GTF2IRD2: variants seen among roughly 807,000 people sequenced by gnomAD.
GTF2IRD2 encodes the protein GTF2I repeat domain containing 2.
Under a neutral mutation model 49.2 loss-of-function variants are expected in GTF2IRD2, and 8 were observed. The observed-to-expected ratio is 0.16, with a 90% CI of 0.10 to 0.29. The LOEUF (loss-of-function observed/expected upper bound fraction) is 0.29. Among genes scored for constraint, GTF2IRD2 ranks in the 10% least tolerant of loss-of-function variants. The pLI, the probability that GTF2IRD2 is intolerant of heterozygous loss-of-function variation, is 1.00. For synonymous variants in GTF2IRD2, 47 were observed against 289.7 expected (o/e 0.16, Z 8.51); for missense variants, 130 against 725.7 (o/e 0.18, Z 9.43).
chr7:74,825,170 A>G (rs1292646436), intron 3 of GTF2IRD2, 118 bp from the exon 4 acceptor site: 1 of 1,182,532 alleles, frequency 8.5e-7, no homozygotes, highest in East Asian at 5.8e-5. Context: ...ATAAAACAAG[A>G]TCTTTTAAAG....
rs115501971 is a variant in GTF2IRD2 at position 74,830,053 on chromosome 7, G to C, written c.238+2752C>G. On this transcript the variant is annotated intron_variant, in intron 3 of 15. Transcript: ENST00000451013. ...TAAAGACAAATAGATCTACGGAATA[G>C]GGTAGGGAGTCCAGAAATAAACCCT... Among the ~76,000 whole-genome samples the C allele has an allele frequency of 2.4e-3, 369 of 150,672 alleles. 2 individuals carry two copies. The highest frequency in any genetic ancestry group is 8.0e-3 in the African/African-American group (329 of 41,200).
intron 4 of GTF2IRD2, among the ~76,000 whole-genome samples, chr7:74,824,263 G>T (rs1450950539): frequency 1.3e-4 from 11 of 85,648 alleles, no homozygotes; most frequent in East Asian, 4.1e-4. Flanking sequence ...GAGGTCAGGA[G>T]TTCGAGACCA....
intron 1 of GTF2IRD2, among the ~76,000 whole-genome samples, chr7:74,842,597 G>C (rs587599982): frequency 6.9e-6 from 1 of 145,010 alleles, no homozygotes; most frequent in African/African-American, 2.7e-5. Context: ...CTGACGTGCA[G>C]TGCCATGATC....
chr7:74,809,723 A>T (rs1347975512), intron 10 of GTF2IRD2, among the ~76,000 whole-genome samples: 1 of 115,884 alleles, frequency 8.6e-6, no homozygotes, highest in South Asian at 3.2e-4. Flanking sequence ...TAAAAGTAAG[A>T]TCACATTGCC....
rs1269170335 is a variant in GTF2IRD2, at chr7:74,834,665, G to A, written c.99+1615C>T. Among the ~76,000 whole-genome samples, 5 of 108,584 alleles carry A rather than the reference G, an allele frequency of 4.6e-5. No homozygotes were observed. The East Asian group carries it at 9.0e-4, about 19-fold the overall frequency. The allele number at this position is 108,584 out of a possible 152,430, so 71.2% of individuals were successfully genotyped here. The stretch of plus-strand genomic sequence containing the variant: ...TGGGATTACGGGCGTGAGCCACCCT[G>A]CCTACCCCTAATGCTTTCTTCTAAA... On this transcript the variant is annotated intron_variant, in intron 2 of 15. Transcript: ENST00000451013.
chr7:74,836,620 C>T (rs1358442491), intron 1 of GTF2IRD2, among the ~76,000 whole-genome samples: 1 of 151,788 alleles, frequency 6.6e-6, no homozygotes, highest in Non-Finnish European at 1.5e-5. Context: ...GGCTGGAGTG[C>T]AGTGGCGCAA....
At chr7:74,827,757 C>CT in intron 3 of GTF2IRD2, among the ~76,000 whole-genome samples, 1 of 75,994 alleles carries the variant, frequency 1.3e-5, no homozygotes, top group South Asian at 4.5e-4. Context: ...AGGAAACTGC[C>CT]TGTGGGTATG....
At chr7:74,834,459 T>C (rs2131779819) in intron 2 of GTF2IRD2, among the ~76,000 whole-genome samples, 1 of 73,500 alleles carries the variant, frequency 1.4e-5, no homozygotes, top group East Asian at 3.3e-4. Context: ...CTCGAACTCC[T>C]GACCTTGTGA....
rs1194433552 is a variant in GTF2IRD2 at position 74,834,653 on chromosome 7, G to A, written c.99+1627C>T. ...CTCATGAAGTGGTGGGATTACGGGC[G>A]TGAGCCACCCTGCCTACCCCTAATG... is the stretch of plus-strand genomic sequence containing the variant. On this transcript the variant is annotated intron_variant, in intron 2 of 15. Coordinates refer to ENST00000451013, the MANE Select transcript of GTF2IRD2 (RefSeq NM_173537.5). Among the ~76,000 whole-genome samples, 43 of 104,652 alleles carry A rather than the reference G, an allele frequency of 4.1e-4. 1 individual carries two copies. The highest frequency in any genetic ancestry group is 6.8e-4 in the Non-Finnish European group (40 of 58,442). The allele number at this position is 104,652 out of a possible 152,430, so 68.7% of individuals were successfully genotyped here.
At chr7:74,826,887 A>T (rs1215501686) in intron 3 of GTF2IRD2, among the ~76,000 whole-genome samples, 3 of 143,800 alleles carry the variant, frequency 2.1e-5, no homozygotes, top group Non-Finnish European at 4.6e-5. Context: ...AACTTTTATA[A>T]TTTTAGTAGA....
chr7:74,844,359 T>TG lies in GTF2IRD2; in HGVS notation c.-6+7007_-6+7008insC, dbSNP rs1584408559. Among the ~76,000 whole-genome samples the TG allele has an allele frequency of 2.3e-4, 3 of 12,788 alleles. 1 individual carries two copies. The South Asian group carries it at 5.9e-3, about 25-fold the overall frequency. The allele number at this position is 12,788 out of a possible 152,430, so 8.4% of individuals were successfully genotyped here. On this transcript the variant is annotated intron_variant, in intron 1 of 15. Coordinates refer to ENST00000451013, the MANE Select transcript of GTF2IRD2 (RefSeq NM_173537.5). ...ACTAGACTAGATGAGGATTATGTTT[T>TG]TTTTATTTATTTATTTATTTATTTA...
At chr7:74,826,102 A>G (rs1251821574) in intron 3 of GTF2IRD2, among the ~76,000 whole-genome samples, 2 of 151,402 alleles carry the variant, frequency 1.3e-5, no homozygotes, top group African/African-American at 4.8e-5. Context: ...GTTTTCTTGC[A>G]TGGATATACG....
In GTF2IRD2 at chr7:74,847,390, C is replaced by A. The variant is rs1801375099; in HGVS notation, c.-6+3977G>T. 3.9e-5 allele frequency among the ~76,000 whole-genome samples: 2 copies of A among 51,606 alleles called. 1 individual carries two copies. The highest frequency in any genetic ancestry group is 1.5e-4 in the African/African-American group (2 of 13,092). The allele number at this position is 51,606 out of a possible 152,430, so 33.9% of individuals were successfully genotyped here. ...CCATTCAACAAAAATGTAATGAGCA[C>A]CTGCAATGTAAAAATGTATACTAGT... On this transcript the variant is annotated intron_variant, in intron 1 of 15. Transcript: ENST00000451013.
intron 3 of GTF2IRD2, among the ~76,000 whole-genome samples, chr7:74,828,407 AC>A (rs1799575516): frequency 7.4e-6 from 1 of 135,476 alleles, no homozygotes; most frequent in South Asian, 2.7e-4. Flanking sequence ...GCGGTGGCTC[AC>A]CCCTGTAATC....
rs782583507 is a variant in GTF2IRD2, at chr7:74,825,968, T to G, written c.239-916A>C. 2.5e-4 allele frequency among the ~76,000 whole-genome samples: 38 copies of G among 151,680 alleles called. 1 individual carries two copies. Among genetic ancestry groups the G allele is most frequent in the Admixed American group, 2.6e-4 (4 of 15,208 alleles). ...GCTGCCTGCCACCACGCCCGGCTAA[T>G]TTTTTGTATTTTTTAGTAGAGATGG... On this transcript the variant is annotated intron_variant, in intron 3 of 15. Transcript: ENST00000451013.
Position 74,823,159 on chromosome 7 carries a change from G to A in GTF2IRD2, c.359-352C>T, listed in dbSNP as rs1181527909. 5.8e-4 allele frequency among the ~76,000 whole-genome samples: 38 copies of A among 66,072 alleles called. 5 individuals are homozygous for A. The highest frequency in any genetic ancestry group is 2.7e-3 in the African/African-American group (37 of 13,602). 43.3% of individuals were successfully genotyped at this position (66,072 alleles called of 152,430 possible). On this transcript the variant is annotated intron_variant, in intron 4 of 15. Transcript: ENST00000451013. ...CTGCCAAAGTGCTAGGATAACAGGCGAGCCACTGAGCCCAGCCTAGTTTTT... is the reference window on the plus strand; with the variant it reads ...CTGCCAAAGTGCTAGGATAACAGGCAAGCCACTGAGCCCAGCCTAGTTTTT...
In GTF2IRD2 at chr7:74,809,562, C is replaced by A. The variant is rs1210930151; in HGVS notation, c.806-389G>T. Among the ~76,000 whole-genome samples the A allele has an allele frequency of 1.2e-4, 5 of 41,594 alleles. No homozygotes were observed. In the South Asian group the frequency reaches 5.8e-3, roughly 48 times the overall value. 27.3% of individuals were successfully genotyped at this position (41,594 alleles called of 152,430 possible). ...GGCTGAGGAGGGAGAATTGCTTCAG[C>A]CCGGGAGGTGGAGGCTGCAGTGAGC... On this transcript the variant is annotated intron_variant, in intron 10 of 15. Coordinates refer to ENST00000451013, the MANE Select transcript of GTF2IRD2 (RefSeq NM_173537.5).
chr7:74,827,830 CT>C (rs1188223440), intron 3 of GTF2IRD2, among the ~76,000 whole-genome samples: 1,603 of 31,374 alleles, frequency 0.051, 185 homozygotes, highest in Non-Finnish European at 0.064. Context: ...TTTCCTTTCC[CT>C]TTTTTTTTTT....
chr7:74,831,504 T>TACACACACACACACACACACAC (rs4029807), intron 3 of GTF2IRD2, among the ~76,000 whole-genome samples: 1 of 119,460 alleles, frequency 8.4e-6, no homozygotes, highest in Non-Finnish European at 1.8e-5. Flanking sequence ...TCTCTGTACA[T>TACACACACACACACACACACAC]ACACACACAC....
Sources: gnomAD v4.1 joint callset for allele counts (sites outside exome capture counted in the v4.1 genomes callset) on GRCh38, gnomAD v4.1.1 for gene constraint, MANE v1.5 for transcripts, NCBI Gene and HGNC (gene_info 2026-07-23, HGNC 2026-07-21) for gene names.